Variants in PHIP observed in about 807,000 individuals in gnomAD.
PHIP encodes the protein PH-interacting protein.
A neutral mutation model predicts 236.8 loss-of-function variants in PHIP; 54 were observed. The ratio of observed to expected loss-of-function variants is 0.23; its 90% CI spans 0.18 to 0.29. The LOEUF is 0.29. PHIP is among the 10% of genes least tolerant of loss of function. The probability of loss-of-function intolerance (pLI) is 1.00; values close to 1 mark genes in which losing one functional copy is unlikely to be tolerated. For synonymous variants in PHIP, 756 were observed against 718.9 expected, an observed-to-expected ratio of 1.05 and a Z score of -0.83; for missense variants, 1,370 against 2,190.8, an observed-to-expected ratio of 0.63 and a Z score of 7.48.
intron 19 of PHIP, among the ~76,000 whole-genome samples, chr6:78,995,100 A>G (rs541515130): frequency 1.2e-4 from 18 of 152,334 alleles, no homozygotes; most frequent in African/African-American, 4.3e-4. Flanking sequence ...TGTCATTTCA[A>G]GAATATTTCA....
At chr6:79,029,820 T>C (rs1308715669) in intron 7 of PHIP, among the ~76,000 whole-genome samples, 2 of 152,154 alleles carry the variant, frequency 1.3e-5, no homozygotes, top group African/African-American at 4.8e-5. Context: ...TATAAATGTG[T>C]TTTAAATAAA....
At chr6:79,068,575 T>C (rs1773737263) in intron 4 of PHIP, among the ~76,000 whole-genome samples, 1 of 152,194 alleles carries the variant, frequency 6.6e-6, no homozygotes, top group South Asian at 2.1e-4. Flanking sequence ...TAAGCCTCAG[T>C]GTCCTCATCT....
At chr6:79,028,643 T>C (rs555486054) in intron 7 of PHIP, among the ~76,000 whole-genome samples, 1 of 152,336 alleles carries the variant, frequency 6.6e-6, no homozygotes, top group South Asian at 2.1e-4. Context: ...TGAATCAACA[T>C]ATTCACTACA....
intron 13 of PHIP, among the ~76,000 whole-genome samples, chr6:79,016,231 C>T (rs929308341): frequency 7.2e-5 from 11 of 151,930 alleles, no homozygotes; most frequent in African/African-American, 2.7e-4. Flanking sequence ...AACCATTGGA[C>T]ATAAAATATT....
At chr6:79,064,599 C>G (rs1773533558) in intron 4 of PHIP, among the ~76,000 whole-genome samples, 1 of 152,162 alleles carries the variant, frequency 6.6e-6, no homozygotes, top group African/African-American at 2.4e-5. Context: ...AACTGTTGAA[C>G]ACTTCCTCAT....
intron 4 of PHIP, among the ~76,000 whole-genome samples, chr6:79,065,764 C>CCCCACA (rs1491391054): frequency 6.3e-5 from 9 of 143,380 alleles, no homozygotes; most frequent in African/African-American, 2.3e-4. Context: ...CTTAACTATA[C>CCCCACA]CACACACACA....
At chr6:79,069,748 G>A (rs1773796269) in intron 4 of PHIP, among the ~76,000 whole-genome samples, 1 of 151,900 alleles carries the variant, frequency 6.6e-6, no homozygotes, top group Admixed American at 6.6e-5. Flanking sequence ...AGGACCCTTA[G>A]ATGCCTATTA....
chr6:79,046,611 TCA>T (rs1772498346), intron 6 of PHIP, among the ~76,000 whole-genome samples: 1 of 152,176 alleles, frequency 6.6e-6, no homozygotes, highest in Non-Finnish European at 1.5e-5. Context: ...GTACAGGGAC[TCA>T]CACCTGTAAT....
chr6:78,996,394 T>C (rs1310278107), intron 19 of PHIP, among the ~76,000 whole-genome samples: 1 of 152,202 alleles, frequency 6.6e-6, no homozygotes, highest in Non-Finnish European at 1.5e-5. Context: ...TAAAAAGTGA[T>C]AGTAACAAAC....
chr6:78,941,313 C>T lies in PHIP; in HGVS notation c.4846G>A (p.Ala1616Thr), dbSNP rs776162259. The T allele has an allele frequency of 8.7e-6, 14 of 1,612,742 alleles. No homozygotes were observed. Among genetic ancestry groups the T allele is most frequent in the South Asian group, 6.6e-5 (6 of 91,004 alleles). The change falls in exon 40 of 40, where the codon GCT becomes ACT. Residue 1616 changes from alanine to threonine, a missense_variant. Coordinates refer to ENST00000275034, the MANE Select transcript of PHIP (RefSeq NM_017934.7). The part of the protein sequence containing the change: ...VIEQGDCKNN[A>T]LVPGTIQVNG... ...ACTTGAATGGTTCCTGGTACAAGAGCGTTGTTCTTACAATCTCCTAAAAGG... is the reference window on the plus strand; with the variant it reads ...ACTTGAATGGTTCCTGGTACAAGAGTGTTGTTCTTACAATCTCCTAAAAGG...
rs770821081 is a variant in PHIP at position 78,940,661 on chromosome 6, A to T, written c.*32T>A. On this transcript the variant is annotated 3_prime_UTR_variant, in exon 40 of 40. Coordinates refer to ENST00000275034, the MANE Select transcript of PHIP (RefSeq NM_017934.7). ...CTTATTCCTTAACTGTACCTGCTTTATAGATTTTGAAGTAAAATATTTTGG... is the reference window on the plus strand; with the variant it reads ...CTTATTCCTTAACTGTACCTGCTTTTTAGATTTTGAAGTAAAATATTTTGG... 1 of 1,384,968 alleles carries T rather than the reference A, an allele frequency of 7.2e-7. No individual in the cohort carries two copies. Among genetic ancestry groups the T allele is most frequent in the East Asian group, 3.0e-5 (1 of 32,958 alleles). 85.8% of individuals were successfully genotyped at this position (1,384,968 alleles called of 1,614,324 possible). A position where few individuals can be genotyped will look rare whatever the true frequency, so the allele number is the denominator to read the frequency against.
Position 79,077,747 on chromosome 6 carries a change from G to T in PHIP, c.100-18C>A. 1.0e-6 allele frequency: 1 copy of T among 1,003,130 alleles called. No individual in the cohort carries two copies. Among genetic ancestry groups the T allele is most frequent in the Non-Finnish European group, 1.2e-6 (1 of 843,344 alleles). 62.1% of individuals were successfully genotyped at this position (1,003,130 alleles called of 1,614,324 possible). On this transcript the variant is annotated intron_variant, in intron 2 of 39. Coordinates refer to ENST00000275034, the MANE Select transcript of PHIP (RefSeq NM_017934.7). ...ATCAGCACCTGCAACAACAAAGCGG[G>T]GAGAGCTGAGCCCCGCGCCCCGGGC...
Position 78,978,632 on chromosome 6 carries a change from A to G in PHIP, c.2849T>C (p.Ile950Thr). Residue 950 changes from isoleucine (I) to threonine (T), a missense_variant, in exon 24 of 40, where the codon ATT becomes ACT. Transcript: ENST00000275034. ...WLPSTWITDT[I>T]PRRCPFVPQM... is the part of the protein sequence containing the mutation. The stretch of plus-strand genomic sequence containing the variant: ...TGGCACAAATGGACATCTTCGGGGA[A>G]TGGTATCTGTAATCCATGTTGATGG... 1 of 1,593,722 alleles carries G rather than the reference A, an allele frequency of 6.3e-7. No homozygotes were observed. The highest frequency in any genetic ancestry group is 8.6e-7 in the Non-Finnish European group (1 of 1,165,816).
chr6:78,972,612 A>C (rs928053946), intron 24 of PHIP, among the ~76,000 whole-genome samples: 2 of 152,192 alleles, frequency 1.3e-5, no homozygotes, highest in African/African-American at 2.4e-5. Flanking sequence ...CCAAAGGCAA[A>C]GAAGTTGAAA....
intron 6 of PHIP, 57 bp from the exon 7 acceptor site, chr6:79,043,060 T>C (rs150694598): frequency 4.0e-4 from 569 of 1,434,162 alleles, no homozygotes; most frequent in Non-Finnish European, 5.1e-4. Context: ...TCTTACATGA[T>C]CACCTTTTAA....
At chr6:79,051,110 G>C (rs545996121) in intron 6 of PHIP, among the ~76,000 whole-genome samples, 1 of 152,058 alleles carries the variant, frequency 6.6e-6, no homozygotes, top group African/African-American at 2.4e-5. Context: ...TTATTAACAC[G>C]GGTATCAAGG....
At chr6:78,961,251 G>A (rs1040849109) in intron 31 of PHIP, among the ~76,000 whole-genome samples, 6 of 151,734 alleles carry the variant, frequency 4.0e-5, no homozygotes, top group Admixed American at 1.3e-4. Flanking sequence ...ATGATAAGCT[G>A]AATACAGGCA....
intron 6 of PHIP, among the ~76,000 whole-genome samples, chr6:79,045,425 T>A (rs916280598): frequency 6.6e-6 from 1 of 152,170 alleles, no homozygotes; most frequent in African/African-American, 2.4e-5. Context: ...TTTTTTATAA[T>A]ACCATTTGGA....
At chr6:78,966,110 T>G in intron 27 of PHIP, 54 bp from the exon 28 acceptor site, 1 of 1,091,822 alleles carries the variant, frequency 9.2e-7, no homozygotes, top group South Asian at 1.2e-5. Flanking sequence ...CTGCTGTCAC[T>G]GCTTTTTCCT....
Sources: allele counts gnomAD v4.1 joint callset (sites outside exome capture counted in the v4.1 genomes callset), GRCh38; gene constraint gnomAD v4.1.1; transcripts MANE v1.5; gene names NCBI Gene and HGNC (gene_info 2026-07-23, HGNC 2026-07-21).